STK32B: variants seen among roughly 807,000 people sequenced by gnomAD.
STK32B encodes serine/threonine-protein kinase 32B.
Under a neutral mutation model 52.6 loss-of-function variants are expected in STK32B, and 43 were observed. The ratio of observed to expected loss-of-function variants is 0.82; its 90% confidence interval spans 0.64 to 1.05. STK32B has a LOEUF of 1.05. Ranked by LOEUF, STK32B falls within the 50% of genes least tolerant of loss-of-function variation. STK32B has a pLI of 0.00. For missense variants in STK32B, 621 were observed against 534.6 expected, an observed-to-expected ratio of 1.16 and a Z score of -1.59; for synonymous variants, 238 against 204.3, an observed-to-expected ratio of 1.17 and a Z score of -1.41.
At chr4:5,407,327 A>C (rs1274964518) in intron 5 of STK32B, among the ~76,000 whole-genome samples, 2 of 152,092 alleles carry the variant, frequency 1.3e-5, no homozygotes, top group East Asian at 3.9e-4. Flanking sequence ...GGGAGTTCCA[A>C]AATTTCCCTC....
At chr4:5,397,172 A>C (rs967723340) in intron 4 of STK32B, among the ~76,000 whole-genome samples, 1 of 152,236 alleles carries the variant, frequency 6.6e-6, no homozygotes, top group African/African-American at 2.4e-5. Flanking sequence ...ATTTTGAAGA[A>C]AGCTATCATT....
chr4:5,463,476 A>AGT (rs1188297951), intron 9 of STK32B, among the ~76,000 whole-genome samples: 16 of 124,966 alleles, frequency 1.3e-4, no homozygotes, highest in African/African-American at 4.5e-4. Context: ...ACACTCACAC[A>AGT]CTCAGTCACA....
intron 3 of STK32B, among the ~76,000 whole-genome samples, chr4:5,256,971 A>T (rs1228401022): frequency 6.6e-6 from 1 of 152,182 alleles, no homozygotes; most frequent in African/African-American, 2.4e-5. Context: ...GAGTGAGTGG[A>T]TGAATAAGTG....
At chr4:5,465,993 G>A (rs943799818) in intron 9 of STK32B, among the ~76,000 whole-genome samples, 1 of 152,238 alleles carries the variant, frequency 6.6e-6, no homozygotes, top group Non-Finnish European at 1.5e-5. Context: ...TACAAGATCA[G>A]GAAGTAGCAG....
chr4:5,211,452 A>G (rs745682457), intron 3 of STK32B, among the ~76,000 whole-genome samples: 3 of 152,152 alleles, frequency 2.0e-5, no homozygotes, highest in Non-Finnish European at 4.4e-5. Context: ...TCTTGTCAAC[A>G]ATGGGATGAC....
the STK32B span, among the ~76,000 whole-genome samples, chr4:5,041,284 TAC>T: frequency 1.3e-5 from 2 of 149,966 alleles, no homozygotes; most frequent in Non-Finnish European, 3.0e-5. Context: ...CAAGTTCAAG[TAC>T]AGTTTCAGAG....
the STK32B span, among the ~76,000 whole-genome samples, chr4:5,029,262 T>C: frequency 6.6e-6 from 1 of 152,196 alleles, no homozygotes; most frequent in Non-Finnish European, 1.5e-5. Flanking sequence ...GTTAGTTACA[T>C]GGCAAAGGGA....
intron 6 of STK32B, among the ~76,000 whole-genome samples, chr4:5,444,559 CT>C (rs1302171245): frequency 6.6e-6 from 1 of 152,220 alleles, no homozygotes; most frequent in Admixed American, 6.5e-5. Flanking sequence ...AATCACCCGT[CT>C]TCTGCGTCGC....
intron 3 of STK32B, among the ~76,000 whole-genome samples, chr4:5,175,523 C>G (rs1210311965): frequency 6.6e-6 from 1 of 152,204 alleles, no homozygotes; most frequent in African/African-American, 2.4e-5. Context: ...TTCTAACAGT[C>G]AGGACCCTCA....
At chr4:5,166,320 C>A (rs1182377110) in intron 2 of STK32B, among the ~76,000 whole-genome samples, 1 of 151,598 alleles carries the variant, frequency 6.6e-6, no homozygotes, top group South Asian at 2.1e-4. Flanking sequence ...CCTTTCTAGG[C>A]CTCACTTTCC....
At chr4:5,492,118 A>C (rs1162677807) in intron 11 of STK32B, among the ~76,000 whole-genome samples, 1 of 152,172 alleles carries the variant, frequency 6.6e-6, no homozygotes, top group Non-Finnish European at 1.5e-5. Context: ...CTGTGAGGAA[A>C]GTCATTGGTA....
At chr4:5,440,146 C>T (rs911254538) in intron 6 of STK32B, among the ~76,000 whole-genome samples, 13 of 152,242 alleles carry the variant, frequency 8.5e-5, no homozygotes, top group African/African-American at 3.1e-4. Flanking sequence ...TGAAGAAAGT[C>T]TTTGGTAGCT....
intron 3 of STK32B, among the ~76,000 whole-genome samples, chr4:5,197,542 C>T (rs1393058844): frequency 6.6e-6 from 1 of 152,104 alleles, no homozygotes; most frequent in Non-Finnish European, 1.5e-5. Context: ...TGCTTAGTTC[C>T]TTATTTATCT....
intron 4 of STK32B, among the ~76,000 whole-genome samples, chr4:5,340,083 G>C (rs1433692750): frequency 6.6e-6 from 1 of 152,358 alleles, no homozygotes; most frequent in East Asian, 1.9e-4. Context: ...AAAGCAATTA[G>C]AAGATTGACT....
chr4:5,205,491 C>A (rs908478181), intron 3 of STK32B, among the ~76,000 whole-genome samples: 1 of 152,134 alleles, frequency 6.6e-6, no homozygotes, highest in East Asian at 1.9e-4. Flanking sequence ...AGGGGTTGTT[C>A]CAGTTTTCAC....
At chr4:5,274,299 A>C (rs1430908378) in intron 3 of STK32B, among the ~76,000 whole-genome samples, 1 of 152,214 alleles carries the variant, frequency 6.6e-6, no homozygotes, top group African/African-American at 2.4e-5. Context: ...AGATCAATAG[A>C]ACAGAATTTT....
At chr4:5,091,490 G>T (rs1308273898) in intron 1 of STK32B, among the ~76,000 whole-genome samples, 1 of 152,044 alleles carries the variant, frequency 6.6e-6, no homozygotes, top group Non-Finnish European at 1.5e-5. Flanking sequence ...AACATTATTA[G>T]TATTTACAAA....
chr4:5,449,349 A>G (rs746104953), intron 7 of STK32B, among the ~76,000 whole-genome samples: 48 of 152,270 alleles, frequency 3.2e-4, no homozygotes, highest in African/African-American at 7.7e-4. Flanking sequence ...TGTCTCACAT[A>G]AAAAGGTTAT....
intron 3 of STK32B, among the ~76,000 whole-genome samples, chr4:5,241,975 A>G (rs927548052): frequency 2.6e-5 from 4 of 152,074 alleles, no homozygotes; most frequent in African/African-American, 9.7e-5. Context: ...CCACTCTATC[A>G]TTGTTGGACA....
Sources: allele counts gnomAD v4.1 joint callset (sites outside exome capture counted in the v4.1 genomes callset), GRCh38; gene constraint gnomAD v4.1.1; transcripts MANE v1.5; gene names NCBI Gene and HGNC (gene_info 2026-07-23, HGNC 2026-07-21).